Variants in ABCD3 observed in about 807,000 individuals in gnomAD.
The protein encoded by ABCD3 is ATP binding cassette subfamily D member 3.
ABCD3 carries 41 observed loss-of-function variants against 105.5 expected under a neutral mutation model. That is an observed-to-expected ratio of 0.39 (90% confidence interval 0.30 to 0.50). The LOEUF is 0.50. Ranked by LOEUF, ABCD3 falls within the 20% of genes least tolerant of loss-of-function variation. The pLI, the probability that ABCD3 is intolerant of heterozygous loss-of-function variation, is 0.84. For synonymous variants in ABCD3, 258 were observed against 269.0 expected, an observed-to-expected ratio of 0.96 and a Z score of 0.40; for missense variants, 622 against 806.3, an observed-to-expected ratio of 0.77 and a Z score of 2.77.
intron 1 of ABCD3, among the ~76,000 whole-genome samples, chr1:94,450,488 T>G (rs1394111157): frequency 6.6e-6 from 1 of 152,262 alleles, no homozygotes; most frequent in Non-Finnish European, 1.5e-5. Flanking sequence ...TAAGGCTTTC[T>G]TAAACCACAA....
intron 1 of ABCD3, among the ~76,000 whole-genome samples, chr1:94,434,572 T>G (rs574521399): frequency 2.0e-5 from 3 of 152,146 alleles, no homozygotes; most frequent in Non-Finnish European, 4.4e-5. Flanking sequence ...TGATAGGAAT[T>G]TTTCAGCTCC....
At chr1:94,413,721 CA>C (rs1658954115), upstream of ABCD3, among the ~76,000 whole-genome samples, 1 of 152,122 alleles carries the variant, frequency 6.6e-6, no homozygotes. Context: ...CTTTTCTGAG[CA>C]AAGATGATTT....
intron 1 of ABCD3, among the ~76,000 whole-genome samples, chr1:94,446,484 A>C (rs1015854338): frequency 3.3e-5 from 5 of 152,240 alleles, no homozygotes; most frequent in African/African-American, 1.2e-4. Flanking sequence ...TGTTACATCT[A>C]CTTCTGTTCC....
intron 2 of ABCD3, among the ~76,000 whole-genome samples, chr1:94,463,124 G>A (rs1278443521): frequency 6.6e-6 from 1 of 152,178 alleles, no homozygotes; most frequent in African/African-American, 2.4e-5. Flanking sequence ...ATGTAAGCAT[G>A]TATGAATTAA....
At chr1:94,470,906 C>T (rs1244146524) in intron 4 of ABCD3, among the ~76,000 whole-genome samples, 3 of 151,924 alleles carry the variant, frequency 2.0e-5, no homozygotes, top group Non-Finnish European at 4.4e-5. Context: ...AGTATTTTTT[C>T]ACCTCTGAAG....
At chr1:94,407,991 C>T in the ABCD3 span, among the ~76,000 whole-genome samples, 3 of 152,158 alleles carry the variant, frequency 2.0e-5, no homozygotes, top group Non-Finnish European at 2.9e-5. Context: ...ACGGCAGAGC[C>T]GAATAGTGGT....
intron 20 of ABCD3, among the ~76,000 whole-genome samples, chr1:94,503,037 T>C (rs911845198): frequency 8.5e-5 from 13 of 152,134 alleles, no homozygotes; most frequent in Non-Finnish European, 1.3e-4. Context: ...TAAAATCTTA[T>C]GAGATTTTTT....
the ABCD3 span, among the ~76,000 whole-genome samples, chr1:94,395,073 T>C: frequency 6.6e-6 from 1 of 151,960 alleles, no homozygotes; most frequent in Non-Finnish European, 1.5e-5. Context: ...TTGTGCTTAC[T>C]GTTACCTTAG....
At chr1:94,483,341 A>C in intron 10 of ABCD3, 102 bp downstream of exon 10, 1 of 817,336 alleles carries the variant, frequency 1.2e-6, no homozygotes, top group Non-Finnish European at 2.1e-6. Flanking sequence ...ACAAACACAC[A>C]CGTATGTATA....
At chr1:94,409,952 C>G in the ABCD3 span, among the ~76,000 whole-genome samples, 1 of 152,192 alleles carries the variant, frequency 6.6e-6, no homozygotes, top group African/African-American at 2.4e-5. Flanking sequence ...ACCAGTCAAA[C>G]TAAGCTTTAT....
chr1:94,444,818 G>A (rs886293505), intron 1 of ABCD3, among the ~76,000 whole-genome samples: 2 of 151,952 alleles, frequency 1.3e-5, no homozygotes, highest in East Asian at 3.9e-4. Flanking sequence ...TTTTTTGTTG[G>A]GAACAGGCCC....
chr1:94,444,263 C>T (rs369374023), intron 1 of ABCD3, among the ~76,000 whole-genome samples: 45 of 139,150 alleles, frequency 3.2e-4, no homozygotes, highest in African/African-American at 9.9e-4. Flanking sequence ...ACCTGGGAGG[C>T]GGAGGTTGCA....
At chr1:94,516,467 A>G (rs1326663330) in intron 22 of ABCD3, among the ~76,000 whole-genome samples, 2 of 151,978 alleles carry the variant, frequency 1.3e-5, no homozygotes, top group African/African-American at 4.8e-5. Context: ...CATAAGTATT[A>G]TAGCCATAGG....
intron 1 of ABCD3, among the ~76,000 whole-genome samples, chr1:94,455,166 T>C (rs907797209): frequency 1.3e-5 from 2 of 152,318 alleles, no homozygotes; most frequent in South Asian, 4.1e-4. Context: ...TGTGTATTAA[T>C]GTAAAGTCAA....
At chr1:94,459,802 C>T (rs898884682) in intron 2 of ABCD3, among the ~76,000 whole-genome samples, 1 of 152,166 alleles carries the variant, frequency 6.6e-6, no homozygotes. Flanking sequence ...AACCACAAAT[C>T]TGTTTCTGTC....
chr1:94,402,542 G>C, the ABCD3 span, among the ~76,000 whole-genome samples: 1 of 152,044 alleles, frequency 6.6e-6, no homozygotes, highest in Non-Finnish European at 1.5e-5. Context: ...TCACAGTATA[G>C]TTAGCAATTT....
At chr1:94,417,605 C>T (rs768462156), upstream of ABCD3, among the ~76,000 whole-genome samples, 1 of 152,222 alleles carries the variant, frequency 6.6e-6, no homozygotes, top group Non-Finnish European at 1.5e-5. Flanking sequence ...TGTCCCTTTG[C>T]AAAGAACAGT....
intron 1 of ABCD3, among the ~76,000 whole-genome samples, chr1:94,422,063 C>T (rs899208404): frequency 3.9e-5 from 6 of 152,190 alleles, no homozygotes; most frequent in African/African-American, 1.4e-4. Context: ...CCAACTTGCC[C>T]AGCTGATACT....
chr1:94,465,399 A>C (rs551164426), intron 3 of ABCD3, among the ~76,000 whole-genome samples: 1 of 152,278 alleles, frequency 6.6e-6, no homozygotes, highest in South Asian at 2.1e-4. Flanking sequence ...AAGATTACTA[A>C]ATTTTTGTCT....
Sources: gnomAD v4.1 joint callset for allele counts (sites outside exome capture counted in the v4.1 genomes callset) on GRCh38, gnomAD v4.1.1 for gene constraint, MANE v1.5 for transcripts, NCBI Gene and HGNC (gene_info 2026-07-23, HGNC 2026-07-21) for gene names.